ALK: variants seen among roughly 807,000 people sequenced by gnomAD.
ALK encodes ALK tyrosine kinase receptor.
Under a neutral mutation model 163.1 loss-of-function variants are expected in ALK, and 74 were observed. That is an observed-to-expected ratio of 0.45 (90% CI 0.38 to 0.55). The LOEUF (loss-of-function observed/expected upper bound fraction) is 0.55. Among genes scored for constraint, ALK ranks in the 20% least tolerant of loss-of-function variants. ALK has a pLI of 0.00. For missense variants in ALK, 2,063 were observed against 2,105.3 expected (o/e 0.98, Z 0.39); for synonymous variants, 960 against 843.2 (o/e 1.14, Z -2.40).
intron 1 of ALK, among the ~76,000 whole-genome samples, chr2:29,744,281 C>T (rs1188292425): frequency 1.3e-5 from 2 of 152,156 alleles, no homozygotes; most frequent in South Asian, 4.1e-4. Context: ...ATCTCTGCTA[C>T]TCTGGGTCTA....
At chr2:29,809,483 A>G (rs1485877069) in intron 1 of ALK, among the ~76,000 whole-genome samples, 6 of 152,238 alleles carry the variant, frequency 3.9e-5, no homozygotes, top group African/African-American at 1.4e-4. Flanking sequence ...GATGTGAACT[A>G]CAGTTGGTCT....
intron 1 of ALK, among the ~76,000 whole-genome samples, chr2:29,753,438 T>C (rs547102451): frequency 1.3e-5 from 2 of 152,286 alleles, no homozygotes; most frequent in South Asian, 4.1e-4. Flanking sequence ...TTAAGATCAA[T>C]GATTTCCTTG....
intron 4 of ALK, among the ~76,000 whole-genome samples, chr2:29,490,599 T>C (rs1671878174): frequency 6.6e-6 from 1 of 152,146 alleles, no homozygotes; most frequent in Non-Finnish European, 1.5e-5. Flanking sequence ...TACTCAACTT[T>C]GAGAACCACT....
chr2:29,677,545 G>A (rs887703868), intron 3 of ALK, among the ~76,000 whole-genome samples: 15 of 151,914 alleles, frequency 9.9e-5, no homozygotes, highest in African/African-American at 3.1e-4. Flanking sequence ...ATAGCCAAAC[G>A]GCTTATGTAC....
chr2:29,423,177 A>T (rs887874433), intron 4 of ALK, among the ~76,000 whole-genome samples: 9 of 152,212 alleles, frequency 5.9e-5, no homozygotes, highest in Non-Finnish European at 1.3e-4. Context: ...GTTCTTTCAT[A>T]TCTTCCATAT....
intron 4 of ALK, among the ~76,000 whole-genome samples, chr2:29,388,478 G>C (rs1418950471): frequency 1.3e-5 from 2 of 152,190 alleles, no homozygotes; most frequent in African/African-American, 4.8e-5. Flanking sequence ...GCAAGGCCTA[G>C]ATTCAGCTCT....
intron 3 of ALK, among the ~76,000 whole-genome samples, chr2:29,561,558 C>T (rs1674024162): frequency 1.3e-5 from 2 of 152,148 alleles, no homozygotes; most frequent in East Asian, 3.8e-4. Flanking sequence ...CACTGTCCAT[C>T]CAAATGTTCA....
chr2:29,378,217 T>C (rs1414537446), intron 5 of ALK, among the ~76,000 whole-genome samples: 1 of 152,196 alleles, frequency 6.6e-6, no homozygotes, highest in Non-Finnish European at 1.5e-5. Context: ...AAATACTGAA[T>C]TGATTTCTTA....
At chr2:29,886,794 A>G (rs1048565941) in intron 1 of ALK, among the ~76,000 whole-genome samples, 1 of 152,244 alleles carries the variant, frequency 6.6e-6, no homozygotes, top group Non-Finnish European at 1.5e-5. Context: ...TTTTATGAAG[A>G]TTAGCTGATA....
chr2:29,914,518 G>T (rs545481040), intron 1 of ALK, among the ~76,000 whole-genome samples: 74 of 152,334 alleles, frequency 4.9e-4, no homozygotes, highest in African/African-American at 1.7e-3. Context: ...AACAATAGTG[G>T]TTCATATTGA....
chr2:29,585,488 G>A (rs2148202065), intron 3 of ALK, among the ~76,000 whole-genome samples: 1 of 152,032 alleles, frequency 6.6e-6, no homozygotes, highest in East Asian at 1.9e-4. Flanking sequence ...CACCACACCT[G>A]GCTATTTTTT....
At chr2:29,396,972 C>A (rs776012337) in intron 4 of ALK, among the ~76,000 whole-genome samples, 1 of 149,344 alleles carries the variant, frequency 6.7e-6, no homozygotes, top group South Asian at 2.1e-4. Context: ...GAGTGCCAAA[C>A]CCTGTCTGAG....
chr2:29,649,536 G>T (rs901125630), intron 3 of ALK, among the ~76,000 whole-genome samples: 2 of 147,674 alleles, frequency 1.4e-5, no homozygotes, highest in African/African-American at 5.1e-5. Flanking sequence ...ACCATTGAAT[G>T]ATTCCCCATG....
intron 5 of ALK, among the ~76,000 whole-genome samples, chr2:29,347,535 G>A (rs1573263795): frequency 6.6e-6 from 1 of 152,310 alleles, no homozygotes; most frequent in East Asian, 1.9e-4. Flanking sequence ...AGAGGACATA[G>A]GGGAGATTTA....
intron 2 of ALK, among the ~76,000 whole-genome samples, chr2:29,705,631 T>G (rs72866129): frequency 0.038 from 5,809 of 152,096 alleles, 391 homozygotes; most frequent in African/African-American, 0.13. Context: ...GGCTCCCAAG[T>G]TGGAAATTTG....
chr2:29,443,991 G>A (rs1281616401), intron 4 of ALK, among the ~76,000 whole-genome samples: 1 of 152,106 alleles, frequency 6.6e-6, no homozygotes, highest in East Asian at 1.9e-4. Context: ...CTCTTGTTAC[G>A]CCCAATTTGC....
chr2:29,213,911 G>C, intron 24 of ALK, 73 bp downstream of exon 24: 1 of 1,277,722 alleles, frequency 7.8e-7, no homozygotes. Flanking sequence ...GGAAATGTGA[G>C]CCCTTGAGAT....
intron 4 of ALK, among the ~76,000 whole-genome samples, chr2:29,394,327 A>G (rs111692616): frequency 5.4e-4 from 82 of 151,834 alleles, no homozygotes; most frequent in Non-Finnish European, 6.9e-4. Context: ...AGAAAAAAAA[A>G]AAAGAAAGAA....
rs549224269 is a variant in ALK at position 29,456,577 on chromosome 2, G to C, written c.1155-72718C>G. Among the ~76,000 whole-genome samples, 20 of 152,252 alleles carry C rather than the reference G, an allele frequency of 1.3e-4. 1 individual carries two copies. In the East Asian group the frequency reaches 3.7e-3, roughly 28 times the overall value. On this transcript the variant is annotated intron_variant, in intron 4 of 28. Transcript: ENST00000389048. ...GCTAGAGGGAGAATGAGGACTTATT[G>C]CTCAACTGGTACAGAATTACAGTTT...
Sources: gnomAD v4.1 joint callset for allele counts (sites outside exome capture counted in the v4.1 genomes callset) on GRCh38, gnomAD v4.1.1 for gene constraint, MANE v1.5 for transcripts, NCBI Gene and HGNC (gene_info 2026-07-23, HGNC 2026-07-21) for gene names.